Variants in SYN3 observed in about 807,000 individuals in gnomAD.
SYN3 encodes synapsin-3.
SYN3 carries 35 observed loss-of-function variants against 65.8 expected under a neutral mutation model. The ratio of observed to expected loss-of-function variants is 0.53; its 90% confidence interval spans 0.41 to 0.70. SYN3 has a LOEUF of 0.70. Ranked by LOEUF, SYN3 falls within the 30% of genes least tolerant of loss-of-function variation. The pLI is 0.00. For missense variants in SYN3, 680 were observed against 749.0 expected (o/e 0.91, Z 1.08); for synonymous variants, 270 against 292.9 (o/e 0.92, Z 0.80).
intron 3 of SYN3, among the ~76,000 whole-genome samples, chr22:32,978,567 A>G (rs75726432): frequency 6.6e-6 from 1 of 152,146 alleles, no homozygotes; most frequent in South Asian, 2.1e-4. Context: ...CATCCTATCC[A>G]TTCTTTGATC....
chr22:32,723,915 C>T (rs1215538985), intron 6 of SYN3, among the ~76,000 whole-genome samples: 4 of 152,176 alleles, frequency 2.6e-5, no homozygotes, highest in Non-Finnish European at 4.4e-5. Flanking sequence ...GCTGACCGTA[C>T]GTGGCCATGT....
At chr22:32,533,283 G>A (rs898772425) in intron 10 of SYN3, among the ~76,000 whole-genome samples, 11 of 151,844 alleles carry the variant, frequency 7.2e-5, no homozygotes, top group African/African-American at 2.7e-4. Flanking sequence ...CTCTGCCACT[G>A]TTTCTCACCC....
intron 10 of SYN3, among the ~76,000 whole-genome samples, chr22:32,532,230 A>T (rs2058086051): frequency 6.6e-6 from 1 of 152,292 alleles, no homozygotes; most frequent in African/African-American, 2.4e-5. Flanking sequence ...CGTGTGTGCC[A>T]AATCTGGGTT....
At chr22:32,641,361 C>T (rs1455451862) in intron 6 of SYN3, among the ~76,000 whole-genome samples, 1 of 152,122 alleles carries the variant, frequency 6.6e-6, no homozygotes. Flanking sequence ...GTAATCCCAG[C>T]ACTTTGGGAG....
At chr22:32,620,338 G>C (rs2059576921) in intron 6 of SYN3, among the ~76,000 whole-genome samples, 1 of 152,136 alleles carries the variant, frequency 6.6e-6, no homozygotes, top group Admixed American at 6.5e-5. Context: ...ATACATATAT[G>C]AATCACGAAA....
At chr22:32,971,596 C>T (rs1194670545) in intron 3 of SYN3, among the ~76,000 whole-genome samples, 5 of 152,114 alleles carry the variant, frequency 3.3e-5, no homozygotes, top group Admixed American at 3.3e-4. Flanking sequence ...TGGGCTGTAA[C>T]CAGGAAAGCA....
chr22:32,930,244 G>A (rs984681161), intron 4 of SYN3, among the ~76,000 whole-genome samples: 1 of 152,084 alleles, frequency 6.6e-6, no homozygotes, highest in Non-Finnish European at 1.5e-5. Context: ...TCATGGGGGC[G>A]GGTCTTTCTC....
At chr22:32,978,226 G>A (rs1212058503) in intron 3 of SYN3, among the ~76,000 whole-genome samples, 1 of 152,216 alleles carries the variant, frequency 6.6e-6, no homozygotes, top group East Asian at 1.9e-4. Flanking sequence ...TAGGTGATGG[G>A]GATGAAGGGA....
At chr22:32,946,792 TA>T (rs1447169332) in intron 3 of SYN3, among the ~76,000 whole-genome samples, 1 of 152,208 alleles carries the variant, frequency 6.6e-6, no homozygotes, top group Non-Finnish European at 1.5e-5. Context: ...CTGATTGTTT[TA>T]GGGGGGAAAA....
intron 4 of SYN3, among the ~76,000 whole-genome samples, chr22:32,885,008 T>C (rs1392820040): frequency 6.6e-6 from 1 of 152,226 alleles, no homozygotes; most frequent in African/African-American, 2.4e-5. Flanking sequence ...AGTTAGGTTG[T>C]TTCTAAGCTT....
intron 1 of SYN3, among the ~76,000 whole-genome samples, chr22:33,049,361 A>G (rs1040377940): frequency 6.6e-6 from 1 of 152,218 alleles, no homozygotes; most frequent in African/African-American, 2.4e-5. Context: ...TCTATCTGCT[A>G]TCGGCTTTTC....
At chr22:33,028,559 C>T (rs2053678088) in intron 1 of SYN3, among the ~76,000 whole-genome samples, 1 of 151,758 alleles carries the variant, frequency 6.6e-6, no homozygotes, top group South Asian at 2.1e-4. Flanking sequence ...GCTGGATGAT[C>T]CATGACGCTT....
At chr22:32,819,093 A>AG (rs1274414687) in intron 6 of SYN3, among the ~76,000 whole-genome samples, 3 of 152,366 alleles carry the variant, frequency 2.0e-5, no homozygotes, top group Admixed American at 1.3e-4. Context: ...CCACTTGGCC[A>AG]GGGGGTCACA....
At chr22:32,843,092 T>C (rs559925091) in intron 6 of SYN3, among the ~76,000 whole-genome samples, 78 of 151,992 alleles carry the variant, frequency 5.1e-4, no homozygotes, top group African/African-American at 4.8e-4. Context: ...TTTTTTTTTT[T>C]CCCCCACTAG....
intron 1 of SYN3, among the ~76,000 whole-genome samples, chr22:33,040,269 G>C (rs1167679798): frequency 6.6e-6 from 1 of 151,948 alleles, no homozygotes; most frequent in East Asian, 1.9e-4. Context: ...CACTTTTTAA[G>C]GACAGGGATC....
chr22:32,705,596 T>C (rs1283343100), intron 6 of SYN3, among the ~76,000 whole-genome samples: 4 of 152,260 alleles, frequency 2.6e-5, no homozygotes, highest in African/African-American at 7.2e-5. Flanking sequence ...GTGAAGAATG[T>C]CATTGGTGGT....
intron 1 of SYN3, among the ~76,000 whole-genome samples, chr22:33,025,829 G>A (rs1370392025): frequency 1.3e-5 from 2 of 152,150 alleles, no homozygotes; most frequent in Non-Finnish European, 2.9e-5. Context: ...TGACTCTCCT[G>A]CCCACTGACT....
Position 32,510,702 on chromosome 22 carries a change from G to T in SYN3, c.*2990C>A, listed in dbSNP as rs564852516. Among the ~76,000 whole-genome samples the T allele has an allele frequency of 1.3e-5, 2 of 152,254 alleles. No individual in the cohort carries two copies. Among genetic ancestry groups the T allele is most frequent in the Admixed American group, 6.5e-5 (1 of 15,290 alleles). On this transcript the variant is annotated 3_prime_UTR_variant, in exon 14 of 14. Coordinates refer to ENST00000358763, the MANE Select transcript of SYN3 (RefSeq NM_003490.4). The stretch of plus-strand genomic sequence containing the variant: ...CTATAGCTCTCTGTGCTTGAATCTT[G>T]TAACAGGCTGCTCTTATAAGCAGTG...
chr22:32,849,303 T>TCA, intron 6 of SYN3: 1 of 690,350 alleles, frequency 1.4e-6, no homozygotes, highest in Non-Finnish European at 2.6e-6. Flanking sequence ...GAATTCCCAC[T>TCA]CTTGTAAACA....
Sources: allele counts gnomAD v4.1 joint callset (sites outside exome capture counted in the v4.1 genomes callset), GRCh38; gene constraint gnomAD v4.1.1; transcripts MANE v1.5; gene names NCBI Gene and HGNC (gene_info 2026-07-23, HGNC 2026-07-21).